The following LMLN variants were observed in gnomAD, a reference collection of about 807,000 sequenced individuals.
LMLN encodes the protein leishmanolysin like peptidase, also known as leishmanolysin-like peptidase.
A neutral mutation model predicts 92.3 loss-of-function variants in LMLN; 70 were observed. The observed-to-expected ratio is 0.76, with a 90% confidence interval of 0.63 to 0.92. The LOEUF (loss-of-function observed/expected upper bound fraction) is 0.92, where lower values mean the gene tolerates loss of function less well. Ranked by LOEUF, LMLN falls within the 40% of genes least tolerant of loss-of-function variation. LMLN has a pLI of 0.00. For synonymous variants in LMLN, 308 were observed against 296.2 expected, an observed-to-expected ratio of 1.04 and a Z score of -0.41; for missense variants, 691 against 814.6, an observed-to-expected ratio of 0.85 and a Z score of 1.85.
At chr3:198,032,606 G>A (rs534137611) in intron 14 of LMLN, among the ~76,000 whole-genome samples, 75 of 152,232 alleles carry the variant, frequency 4.9e-4, no homozygotes, top group African/African-American at 1.7e-3. Context: ...CAGTCATGGC[G>A]GAAGGCAGAG....
At chr3:197,968,534 C>T (rs752875246) in intron 1 of LMLN, among the ~76,000 whole-genome samples, 2 of 151,900 alleles carry the variant, frequency 1.3e-5, no homozygotes, top group Non-Finnish European at 2.9e-5. Flanking sequence ...AATTTATGTT[C>T]AGAGATTGCA....
chr3:197,982,133 AT>A (rs1721575702), intron 6 of LMLN, among the ~76,000 whole-genome samples: 1 of 151,526 alleles, frequency 6.6e-6, no homozygotes, highest in African/African-American at 2.4e-5. Context: ...CGATAGATGG[AT>A]GTTTAACACC....
At chr3:198,005,519 A>G (rs910287638) in intron 11 of LMLN, among the ~76,000 whole-genome samples, 14 of 152,176 alleles carry the variant, frequency 9.2e-5, no homozygotes, top group African/African-American at 2.9e-4. Flanking sequence ...TATAAATGCT[A>G]TGGAAATAGT....
intron 14 of LMLN, among the ~76,000 whole-genome samples, chr3:198,028,419 G>T (rs1722994077): frequency 6.6e-6 from 1 of 152,194 alleles, no homozygotes; most frequent in African/African-American, 2.4e-5. Flanking sequence ...GCTATCTGTG[G>T]CTAAATAATT....
At chr3:197,962,806 C>T (rs1178100156) in intron 1 of LMLN, among the ~76,000 whole-genome samples, 1 of 150,892 alleles carries the variant, frequency 6.6e-6, no homozygotes, top group Non-Finnish European at 1.5e-5. Context: ...ATTCAGTTGC[C>T]TGGATTATGT....
At chr3:198,029,797 G>A (rs1723030232) in intron 14 of LMLN, among the ~76,000 whole-genome samples, 1 of 152,050 alleles carries the variant, frequency 6.6e-6, no homozygotes, top group Admixed American at 6.6e-5. Context: ...GTTGGGGGTG[G>A]AGGAGTCAGG....
intron 8 of LMLN, among the ~76,000 whole-genome samples, chr3:197,989,268 T>C (rs1721800520): frequency 6.6e-6 from 1 of 152,216 alleles, no homozygotes; most frequent in Non-Finnish European, 1.5e-5. Context: ...CTTTCTGCAT[T>C]GCTATAAATC....
intron 5 of LMLN, among the ~76,000 whole-genome samples, chr3:197,978,077 A>C (rs1450598946): frequency 6.6e-6 from 1 of 152,096 alleles, no homozygotes; most frequent in African/African-American, 2.4e-5. Context: ...AAAAATTATC[A>C]AACAATCTGG....
chr3:197,991,886 A>T, intron 9 of LMLN, among the ~76,000 whole-genome samples: 1 of 139,928 alleles, frequency 7.1e-6, no homozygotes, highest in African/African-American at 2.7e-5. Flanking sequence ...TTTTTGAGAC[A>T]GTTTGCCTCT....
intron 11 of LMLN, among the ~76,000 whole-genome samples, chr3:198,003,716 CGT>C (rs1722239133): frequency 1.1e-5 from 1 of 91,490 alleles, no homozygotes; most frequent in Non-Finnish European, 1.9e-5. Flanking sequence ...ACATATCATA[CGT>C]AGTAAGTTTG....
intron 1 of LMLN, among the ~76,000 whole-genome samples, chr3:197,971,023 C>G (rs890013577): frequency 2.6e-4 from 40 of 152,174 alleles, no homozygotes; most frequent in African/African-American, 9.7e-4. Context: ...AGGGTACTTT[C>G]ATTGGATATA....
At chr3:197,988,856 G>C (rs1312292230) in intron 8 of LMLN, among the ~76,000 whole-genome samples, 1 of 151,634 alleles carries the variant, frequency 6.6e-6, no homozygotes, top group Non-Finnish European at 1.5e-5. Context: ...TAATTTTTGT[G>C]TTTTTAGTAG....
chr3:198,011,588 G>A (rs1287104733), intron 11 of LMLN, among the ~76,000 whole-genome samples: 1 of 151,008 alleles, frequency 6.6e-6, no homozygotes, highest in Admixed American at 6.6e-5. Context: ...AAACATACGT[G>A]TGCATGTGTC....
At chr3:198,016,044 T>C (rs1581171442) in intron 11 of LMLN, among the ~76,000 whole-genome samples, 1 of 151,530 alleles carries the variant, frequency 6.6e-6, no homozygotes, top group Non-Finnish European at 1.5e-5. Flanking sequence ...GTAAAAAAAT[T>C]AGGCTGGCAT....
chr3:198,001,064 C>T (rs140148183), intron 11 of LMLN, among the ~76,000 whole-genome samples: 1 of 152,300 alleles, frequency 6.6e-6, no homozygotes, highest in Non-Finnish European at 1.5e-5. Flanking sequence ...GCTCATCCTT[C>T]TGAGTTGAGC....
chr3:197,965,244 C>T (rs1581125465), intron 1 of LMLN, among the ~76,000 whole-genome samples: 1 of 152,126 alleles, frequency 6.6e-6, no homozygotes, highest in South Asian at 2.1e-4. Context: ...GTCTTGAACT[C>T]CCAGTTTCAA....
intron 14 of LMLN, among the ~76,000 whole-genome samples, 171 bp from the exon 16 acceptor site, chr3:198,035,662 C>G (rs1357721922): frequency 6.6e-6 from 1 of 152,056 alleles, no homozygotes; most frequent in African/African-American, 2.4e-5. Context: ...GCCCGGCCAA[C>G]TTAACTCTTT....
chr3:198,022,417 A>G (rs914536233), intron 13 of LMLN, among the ~76,000 whole-genome samples: 11 of 152,222 alleles, frequency 7.2e-5, no homozygotes, highest in African/African-American at 2.7e-4. Context: ...GTTTTAACCT[A>G]GTCTCCAAAC....
intron 1 of LMLN, among the ~76,000 whole-genome samples, chr3:197,964,962 G>C (rs1472642350): frequency 6.6e-6 from 1 of 150,742 alleles, no homozygotes; most frequent in Non-Finnish European, 1.5e-5. Flanking sequence ...AGCTGAGATT[G>C]TGCCACTGCA....
Sources: allele counts gnomAD v4.1 joint callset (sites outside exome capture counted in the v4.1 genomes callset), GRCh38; gene constraint gnomAD v4.1.1; transcripts MANE v1.5; gene names NCBI Gene and HGNC (gene_info 2026-07-23, HGNC 2026-07-21).